The following CARMIL1 variants were observed in gnomAD, a reference collection of about 807,000 sequenced individuals.
The protein encoded by CARMIL1 is capping protein regulator and myosin 1 linker 1.
CARMIL1 carries 90 observed loss-of-function variants against 177.1 expected under a neutral mutation model. That is an observed-to-expected ratio of 0.51 (90% CI 0.43 to 0.61). The LOEUF (loss-of-function observed/expected upper bound fraction) is 0.61. Ranked by LOEUF, CARMIL1 falls within the 20% of genes least tolerant of loss-of-function variation. CARMIL1 has a pLI of 0.00. For synonymous variants in CARMIL1, 577 were observed against 606.2 expected (o/e 0.95, Z 0.71); for missense variants, 1,380 against 1,667.0 (o/e 0.83, Z 3.00).
At chr6:25,528,767 T>C (rs1582256430) in intron 23 of CARMIL1, 28 bp from the exon 24 acceptor site, 10 of 1,482,542 alleles carry the variant, frequency 6.7e-6, no homozygotes, top group Non-Finnish European at 9.3e-6. Flanking sequence ...AAATGTATTC[T>C]TGAGGGATGC....
At chr6:25,363,692 A>G (rs1335078720) in intron 2 of CARMIL1, among the ~76,000 whole-genome samples, 1 of 152,202 alleles carries the variant, frequency 6.6e-6, no homozygotes, top group Non-Finnish European at 1.5e-5. Flanking sequence ...TTTATGCATC[A>G]TTTCCAACAT....
intron 20 of CARMIL1, among the ~76,000 whole-genome samples, chr6:25,514,758 C>CA (rs1805804250): frequency 6.6e-6 from 1 of 151,650 alleles, no homozygotes; most frequent in Non-Finnish European, 1.5e-5. Flanking sequence ...CCTGTCTCTA[C>CA]AAAAAATATT....
intron 2 of CARMIL1, among the ~76,000 whole-genome samples, chr6:25,319,792 A>G (rs1458246232): frequency 1.4e-5 from 2 of 142,728 alleles, no homozygotes; most frequent in Non-Finnish European, 3.0e-5. Flanking sequence ...TTTTTTAAAC[A>G]GAGTCTCGCT....
chr6:25,562,179 T>A (rs1171602664), intron 29 of CARMIL1, among the ~76,000 whole-genome samples: 2 of 152,110 alleles, frequency 1.3e-5, no homozygotes, highest in African/African-American at 4.8e-5. Context: ...TTTTAATTTT[T>A]AAATCACATG....
At chr6:25,298,518 G>A (rs1310039679) in intron 2 of CARMIL1, among the ~76,000 whole-genome samples, 1 of 152,148 alleles carries the variant, frequency 6.6e-6, no homozygotes, top group Non-Finnish European at 1.5e-5. Flanking sequence ...TGAGGACAAC[G>A]CTGTGCATTT....
intron 5 of CARMIL1, among the ~76,000 whole-genome samples, chr6:25,448,281 T>C (rs1262308191): frequency 6.6e-6 from 1 of 152,188 alleles, no homozygotes; most frequent in East Asian, 1.9e-4. Flanking sequence ...AAAATCCTTT[T>C]ATTTGACCTG....
At chr6:25,295,929 G>A (rs1326861048) in intron 2 of CARMIL1, among the ~76,000 whole-genome samples, 1 of 152,164 alleles carries the variant, frequency 6.6e-6, no homozygotes, top group Admixed American at 6.5e-5. Flanking sequence ...CTTACCTTGG[G>A]CCTTTGAATG....
chr6:25,563,760 A>G, intron 29 of CARMIL1: 1 of 985,458 alleles, frequency 1.0e-6, no homozygotes. Context: ...GAGGGGAAGA[A>G]GTGGCAAGGT....
intron 5 of CARMIL1, among the ~76,000 whole-genome samples, chr6:25,445,083 G>A (rs1196306986): frequency 6.6e-6 from 1 of 152,176 alleles, no homozygotes; most frequent in Non-Finnish European, 1.5e-5. Context: ...GCGTGAGATG[G>A]TATCTCATTG....
rs915102808 is a variant in CARMIL1 at position 25,509,231 on chromosome 6, C to G, written c.1396-425C>G. ...GACAATCAAAGTAAGTCTTCATTGT[C>G]TCCTTTGGTTGGGTGGAGAGTTTAC... is the stretch of plus-strand genomic sequence containing the variant. On this transcript the variant is annotated intron_variant, in intron 17 of 36. Transcript: ENST00000329474. This position sits in a 1 kb window ranked among gnomAD's most constrained non-coding sequence, Gnocchi z 4.1. 6.6e-6 allele frequency among the ~76,000 whole-genome samples: 1 copy of G among 152,116 alleles called. No individual in the cohort carries two copies. Among genetic ancestry groups the G allele is most frequent in the Non-Finnish European group, 1.5e-5 (1 of 68,020 alleles).
chr6:25,359,006 A>G (rs1376618717), intron 2 of CARMIL1, among the ~76,000 whole-genome samples: 1 of 152,214 alleles, frequency 6.6e-6, no homozygotes, highest in African/African-American at 2.4e-5. Context: ...AAGTATCATC[A>G]TTCTATGTAC....
At chr6:25,320,247 G>A (rs1784580290) in intron 2 of CARMIL1, among the ~76,000 whole-genome samples, 3 of 152,168 alleles carry the variant, frequency 2.0e-5, no homozygotes, top group African/African-American at 4.8e-5. Context: ...ATTTCTAGTG[G>A]GGTTAGAGAA....
intron 23 of CARMIL1, among the ~76,000 whole-genome samples, chr6:25,525,626 G>T (rs954545341): frequency 1.3e-5 from 2 of 152,242 alleles, no homozygotes; most frequent in South Asian, 2.1e-4. Context: ...TATTTTTTCA[G>T]AATAATGATA....
chr6:25,293,265 G>GGTGTGTGT (rs57127326), intron 2 of CARMIL1, among the ~76,000 whole-genome samples: 9,056 of 134,168 alleles, frequency 0.067, 375 homozygotes, highest in South Asian at 0.096. Flanking sequence ...AAGGATGCTT[G>GGTGTGTGT]GTGTGTGTGT....
chr6:25,482,231 C>G (rs759760602), intron 11 of CARMIL1, 26 bp from the exon 12 acceptor site: 1 of 1,231,328 alleles, frequency 8.1e-7, no homozygotes, highest in Non-Finnish European at 1.2e-6. Context: ...CTTGAAAATT[C>G]TAATCGCTTC....
chr6:25,600,616 G>A lies in CARMIL1; in HGVS notation c.3422G>A (p.Gly1141Glu). 6.2e-7 allele frequency: 1 copy of A among 1,613,936 alleles called. No homozygotes were observed. The highest frequency in any genetic ancestry group is 2.2e-5 in the East Asian group (1 of 44,882). Residue 1141 changes from glycine to glutamate, a missense_variant, in exon 33 of 37, where the codon GGG (glycine) becomes GAG (glutamate). Gly to Glu is a moderately conservative substitution (Grantham distance 98). Transcript: ENST00000329474. ...GAAGAGAGTCAAGGGGAAGAAATAG[G>A]GAAGGTGGAACGGAGTGACAGCAAG... ...SFEESQGEEI[G>E]KVERSDSKSS...
At chr6:25,284,402 G>T (rs1369233880) in intron 1 of CARMIL1, among the ~76,000 whole-genome samples, 2 of 152,166 alleles carry the variant, frequency 1.3e-5, no homozygotes, top group Non-Finnish European at 2.9e-5. Context: ...CATCCAACTT[G>T]TTAAAACAAG....
chr6:25,484,757 T>C (rs1400571917), intron 12 of CARMIL1, among the ~76,000 whole-genome samples: 1 of 152,220 alleles, frequency 6.6e-6, no homozygotes, highest in Non-Finnish European at 1.5e-5. Flanking sequence ...CTTTGTTAGT[T>C]TTCTGTTTAT....
At chr6:25,428,964 T>C (rs1796500454) in intron 4 of CARMIL1, among the ~76,000 whole-genome samples, 1 of 152,226 alleles carries the variant, frequency 6.6e-6, no homozygotes, top group African/African-American at 2.4e-5. Flanking sequence ...GATGATGTCA[T>C]TTGTGAATAT....
Sources: gnomAD v4.1 joint callset for allele counts (sites outside exome capture counted in the v4.1 genomes callset) on GRCh38, gnomAD v4.1.1 for gene constraint, Gnocchi (gnomAD v3.1) non-coding constraint, MANE v1.5 for transcripts, NCBI Gene and HGNC (gene_info 2026-07-23, HGNC 2026-07-21) for gene names.